ADCY9: variants seen among roughly 807,000 people sequenced by gnomAD.
ADCY9 encodes adenylate cyclase 9, also known as adenylate cyclase type 9.
A neutral mutation model predicts 101.5 loss-of-function variants in ADCY9; 50 were observed. That is an observed-to-expected ratio of 0.49 (90% CI 0.39 to 0.62). The LOEUF is 0.62. Among genes scored for constraint, ADCY9 ranks in the 20% least tolerant of loss-of-function variants. ADCY9 has a pLI of 0.00. For synonymous variants in ADCY9, 905 were observed against 769.3 expected (o/e 1.18, Z -2.92); for missense variants, 1,662 against 1,800.4 (o/e 0.92, Z 1.39).
At chr16:4,040,789 T>C (rs2056621476) in intron 2 of ADCY9, among the ~76,000 whole-genome samples, 2 of 152,158 alleles carry the variant, frequency 1.3e-5, no homozygotes. Flanking sequence ...GTATAAGACA[T>C]TGATTCCAGG....
intron 2 of ADCY9, among the ~76,000 whole-genome samples, chr16:4,062,414 T>C (rs2056778478): frequency 6.6e-6 from 1 of 152,206 alleles, no homozygotes; most frequent in East Asian, 1.9e-4. Flanking sequence ...TAAATGTAAA[T>C]GGATTAAACA....
At chr16:3,969,569 A>AATATATATAAAT (rs2056029561) in intron 10 of ADCY9, among the ~76,000 whole-genome samples, 6 of 45,228 alleles carry the variant, frequency 1.3e-4, no homozygotes, top group African/African-American at 4.0e-4. Flanking sequence ...GTTTGTTTGA[A>AATATATATAAAT]ATATATATAT....
intron 2 of ADCY9, among the ~76,000 whole-genome samples, chr16:4,015,351 C>T (rs922381245): frequency 4.6e-5 from 7 of 152,056 alleles, no homozygotes; most frequent in African/African-American, 1.4e-4. Flanking sequence ...CAGAGACCTT[C>T]GCCTCCCACC....
chr16:4,086,424 G>A (rs946765041), intron 2 of ADCY9, among the ~76,000 whole-genome samples: 2 of 152,032 alleles, frequency 1.3e-5, no homozygotes, highest in Non-Finnish European at 1.5e-5. Context: ...CTGTGATGAA[G>A]GACAAGCGCA....
At position 3,966,981 on chromosome 16, in the gene ADCY9, C is replaced by T. The variant is rs751343167; in HGVS notation, c.2871-15G>A. On this transcript the variant is annotated splice_polypyrimidine_tract_variant and intron_variant, in intron 10 of 10. Coordinates refer to ENST00000294016, the MANE Select transcript of ADCY9 (RefSeq NM_001116.4). The stretch of plus-strand genomic sequence containing the variant: ...TCCTCTCGGAACTGGAGAGCAAAGA[C>T]ACGGGAAAGGGAGAGGTTACTGCTC... 1.9e-6 allele frequency: 3 copies of T among 1,599,412 alleles called. No individual in the cohort carries two copies. The South Asian group carries it at 3.4e-5, about 18-fold the overall frequency.
chr16:3,988,931 G>T, intron 6 of ADCY9, 63 bp downstream of exon 6: 2 of 1,297,350 alleles, frequency 1.5e-6, no homozygotes, highest in Non-Finnish European at 1.1e-6. Context: ...AACTAACAGT[G>T]AATGACCATG....
At chr16:3,990,786 T>C (rs1356307090) in intron 5 of ADCY9, among the ~76,000 whole-genome samples, 6 of 152,190 alleles carry the variant, frequency 3.9e-5, no homozygotes, top group African/African-American at 1.4e-4. Context: ...CTATTAGCTG[T>C]GCTGCTCCAT....
chr16:3,999,855 G>A (rs773163047), intron 3 of ADCY9, among the ~76,000 whole-genome samples: 5 of 152,084 alleles, frequency 3.3e-5, no homozygotes, highest in East Asian at 1.9e-4. Context: ...CCTACATTCC[G>A]GTCAAAATAT....
chr16:4,040,791 G>C lies in ADCY9; in HGVS notation c.1694-33233C>G, dbSNP rs181499199. Among the ~76,000 whole-genome samples, 183 of 151,824 alleles carry C rather than the reference G, an allele frequency of 1.2e-3. 2 individuals are homozygous for C. The highest frequency in any genetic ancestry group is 2.1e-3 in the Non-Finnish European group (141 of 67,884). ...GAGTGTCTACTGAGTATAAGACATT[G>C]ATTCCAGGTTAAATAAAGTATCTAC... On this transcript the variant is annotated intron_variant, in intron 2 of 10. Coordinates refer to ENST00000294016, the MANE Select transcript of ADCY9 (RefSeq NM_001116.4).
intron 2 of ADCY9, among the ~76,000 whole-genome samples, chr16:4,108,359 C>CTTTTTT (rs1491172269): frequency 5.4e-4 from 29 of 53,454 alleles, no homozygotes; most frequent in Non-Finnish European, 8.6e-4. Context: ...ACCGTTTCTT[C>CTTTTTT]ATTTTTTTTT....
At chr16:4,073,284 G>A (rs988775381) in intron 2 of ADCY9, among the ~76,000 whole-genome samples, 5 of 151,566 alleles carry the variant, frequency 3.3e-5, no homozygotes, top group African/African-American at 4.8e-5. Flanking sequence ...ACGGGGTTTC[G>A]CCTTGTCAGC....
rs1452957344 is a variant in ADCY9, at chr16:3,992,345, G to T, written c.2008C>A (p.Pro670Thr). The T allele has an allele frequency of 7.4e-6, 12 of 1,614,038 alleles. No homozygotes were observed. Among genetic ancestry groups the T allele is most frequent in the African/African-American group, 1.3e-5 (1 of 75,004 alleles). Residue 670 changes from proline (P) to threonine (T), a missense_variant, in exon 5 of 11, where the codon CCC becomes ACC. This residue lies in a region of ADCY9 where 624 missense variants were observed against 639.1 expected (regional missense o/e 0.98). Transcript: ENST00000294016. The surrounding 1 kb of genome is among the most constrained non-coding windows in gnomAD (Gnocchi z 4.2). The part of the protein sequence containing the change: ...NSTKASGGPN[P>T]KTQNGLLSPP... ...CTGAGGAGCCCGTTCTGAGTTTTGGGATTAGGTCCTCCAGAAGCCTGCCTC... is the reference window on the plus strand; with the variant it reads ...CTGAGGAGCCCGTTCTGAGTTTTGGTATTAGGTCCTCCAGAAGCCTGCCTC...
Position 3,965,588 on chromosome 16 carries a change from C to T in ADCY9, c.*187G>A, listed in dbSNP as rs1002442118. On this transcript the variant is annotated 3_prime_UTR_variant, in exon 11 of 11. Transcript: ENST00000294016. Reference sequence around the variant, plus strand: ...GCAGCGGGGTTTCCAGGGAAGGGAGCGAAAGGGAAGAATGGATGAAAATGA... The same window carrying T: ...GCAGCGGGGTTTCCAGGGAAGGGAGTGAAAGGGAAGAATGGATGAAAATGA... 3.3e-5 allele frequency: 21 copies of T among 632,484 alleles called. No individual in the cohort carries two copies. The highest frequency in any genetic ancestry group is 5.4e-5 in the Non-Finnish European group (20 of 368,958). 39.2% of individuals were successfully genotyped at this position (632,484 alleles called of 1,614,324 possible).
At chr16:3,986,304 C>G (rs2056192835) in intron 6 of ADCY9, among the ~76,000 whole-genome samples, 1 of 152,204 alleles carries the variant, frequency 6.6e-6, no homozygotes, top group Admixed American at 6.5e-5. Context: ...CTGGGAGGCT[C>G]CCTTGTCCTG....
At position 3,966,565 on chromosome 16, in the gene ADCY9, TC is replaced by T; in HGVS notation, c.3271del (p.Asp1091ThrfsTer6). On this transcript the variant is annotated frameshift_variant, in exon 11 of 11. Coordinates refer to ENST00000294016, the MANE Select transcript of ADCY9 (RefSeq NM_001116.4). LOFTEE classifies it high-confidence loss of function. ...CGGCTTGCTTAGGAGCTCGTCAAAG[TC>T]CCCGATGAGCTCGTTGAGGACCCGG... ...CYRVLNELIG[D>X]FDELLSKPDY... The T allele has an allele frequency of 6.2e-7, 1 of 1,614,108 alleles. No individual in the cohort carries two copies. The highest frequency in any genetic ancestry group is 1.3e-5 in the African/African-American group (1 of 75,028).
At chr16:4,046,343 G>A (rs186550831) in intron 2 of ADCY9, among the ~76,000 whole-genome samples, 14 of 151,168 alleles carry the variant, frequency 9.3e-5, no homozygotes, top group Non-Finnish European at 1.9e-4. Flanking sequence ...ACTTATATTC[G>A]TCACCATATG....
At chr16:3,972,641 A>G (rs2056062411) in intron 10 of ADCY9, among the ~76,000 whole-genome samples, 1 of 152,206 alleles carries the variant, frequency 6.6e-6, no homozygotes, top group African/African-American at 2.4e-5. Flanking sequence ...GAGGGATTGA[A>G]AAACTGAAAA....
intron 3 of ADCY9, among the ~76,000 whole-genome samples, chr16:3,998,749 G>GAAAGAAAAGAAAAGAAAAGA (rs71133679): frequency 1.7e-4 from 15 of 89,754 alleles, no homozygotes; most frequent in East Asian, 6.6e-4. Context: ...AAGAAAGAAA[G>GAAAGAAAAGAAAAGAAAAGA]AAAGAAAAGA....
chr16:4,081,963 G>C (rs1358246701), intron 2 of ADCY9, among the ~76,000 whole-genome samples: 1 of 152,068 alleles, frequency 6.6e-6, no homozygotes, highest in Non-Finnish European at 1.5e-5. Flanking sequence ...CAAGCAGCAA[G>C]AAAAAGGGAT....
Sources: allele counts gnomAD v4.1 joint callset (sites outside exome capture counted in the v4.1 genomes callset), GRCh38; gene constraint gnomAD v4.1.1; regional missense constraint gnomAD v4.1.1; non-coding constraint Gnocchi (gnomAD v3.1); transcripts MANE v1.5; gene names NCBI Gene and HGNC (gene_info 2026-07-23, HGNC 2026-07-21).